Variants in HOMER2 observed in about 807,000 individuals in gnomAD.
HOMER2 encodes homer protein homolog 2.
A neutral mutation model predicts 47.0 loss-of-function variants in HOMER2; 27 were observed. The ratio of observed to expected loss-of-function variants is 0.57; its 90% confidence interval spans 0.42 to 0.79. The LOEUF (loss-of-function observed/expected upper bound fraction) is 0.79. Among genes scored for constraint, HOMER2 ranks in the 30% least tolerant of loss-of-function variants. The probability of loss-of-function intolerance (pLI) is 0.00; values close to 1 mark genes in which losing one functional copy is unlikely to be tolerated. For synonymous variants in HOMER2, 161 were observed against 163.8 expected (o/e 0.98, Z 0.13); for missense variants, 443 against 435.0 (o/e 1.02, Z -0.16).
intron 1 of HOMER2, among the ~76,000 whole-genome samples, chr15:82,927,214 C>T (rs896517640): frequency 1.3e-5 from 2 of 148,872 alleles, no homozygotes; most frequent in African/African-American, 5.2e-5. Context: ...CAACACTTAC[C>T]ACCTTCTAAC....
intron 1 of HOMER2, among the ~76,000 whole-genome samples, chr15:82,974,355 G>T (rs2030125069): frequency 6.6e-6 from 1 of 151,022 alleles, no homozygotes; most frequent in Non-Finnish European, 1.5e-5. Flanking sequence ...AGTGAGCCGA[G>T]ATCGCGCCAT....
chr15:82,869,621 C>T (rs529879921), intron 3 of HOMER2, among the ~76,000 whole-genome samples: 1 of 152,032 alleles, frequency 6.6e-6, no homozygotes, highest in African/African-American at 2.4e-5. Flanking sequence ...CCACACCTAG[C>T]TAATTTTTGT....
intron 1 of HOMER2, among the ~76,000 whole-genome samples, chr15:82,968,618 TACTTC>T (rs1046243644): frequency 2.6e-5 from 4 of 152,206 alleles, no homozygotes; most frequent in African/African-American, 7.2e-5. Flanking sequence ...CAGTTGGTCT[TACTTC>T]ACTTATCTCA....
intron 1 of HOMER2, among the ~76,000 whole-genome samples, chr15:82,931,360 G>C (rs952815855): frequency 7.2e-5 from 11 of 152,142 alleles, no homozygotes. Context: ...AAGGCATGAG[G>C]CATTGTTTCC....
intron 2 of HOMER2, among the ~76,000 whole-genome samples, chr15:82,889,465 T>A (rs1426478150): frequency 1.3e-5 from 2 of 151,706 alleles, no homozygotes; most frequent in Non-Finnish European, 2.9e-5. Flanking sequence ...TGAACAGAGA[T>A]GGGGGTGAGG....
At chr15:82,903,908 G>A (rs1001465125) in intron 1 of HOMER2, among the ~76,000 whole-genome samples, 3 of 152,176 alleles carry the variant, frequency 2.0e-5, no homozygotes, top group South Asian at 2.1e-4. Flanking sequence ...AGGCCAAGGC[G>A]GGCAGATCAG....
intron 1 of HOMER2, among the ~76,000 whole-genome samples, chr15:82,894,956 G>C (rs562503311): frequency 6.6e-6 from 1 of 152,274 alleles, no homozygotes; most frequent in East Asian, 1.9e-4. Flanking sequence ...GAATGCTCTT[G>C]AGAAACTTTT....
chr15:82,983,408 T>C (rs1002869732), intron 1 of HOMER2, among the ~76,000 whole-genome samples: 7 of 152,230 alleles, frequency 4.6e-5, no homozygotes, highest in Admixed American at 4.6e-4. Context: ...AGATTTAGTC[T>C]TGTATTTCTA....
At chr15:82,958,900 G>C (rs72755940) in exon 2 of HOMER2, 10,161 of 152,590 alleles carry the variant, frequency 0.067, 477 homozygotes, top group Admixed American at 0.12. Context: ...AGCCCAGCCA[G>C]CTGCAAGTGC....
At chr15:82,957,844 A>C (rs553435852), downstream of HOMER2, among the ~76,000 whole-genome samples, 21 of 151,958 alleles carry the variant, frequency 1.4e-4, no homozygotes, top group African/African-American at 3.4e-4. Flanking sequence ...ATTTTTCTTT[A>C]TTTATTTATT....
chr15:82,961,491 C>T (rs981526458), intron 1 of HOMER2, among the ~76,000 whole-genome samples: 1 of 152,236 alleles, frequency 6.6e-6, no homozygotes, highest in Non-Finnish European at 1.5e-5. Context: ...AAAACTATCA[C>T]AAAAGCTGAG....
chr15:82,955,124 G>C (rs1426838325), upstream of HOMER2, among the ~76,000 whole-genome samples: 1 of 149,986 alleles, frequency 6.7e-6, no homozygotes, highest in African/African-American at 2.5e-5. Flanking sequence ...CTACTAAATT[G>C]ATTTCAAAAC....
rs192670592 is a variant in HOMER2, at chr15:82,854,658, G to A, written c.637C>T (p.Arg213Trp). The change falls in exon 6 of 9, where the codon CGG (arginine) becomes TGG (tryptophan). Residue 213 changes from arginine (R) to tryptophan (W), a missense_variant. Transcript: ENST00000450735. ...QFSICRDEND[R>W]LRNKIDELEE... is the part of the protein sequence containing the mutation. The stretch of plus-strand genomic sequence containing the variant: ...ACCGTACCCACCTTGTTGCGGAGCC[G>A]GTCATTCTCATCACGGCAGATGGAG... 3.6e-5 allele frequency: 58 copies of A among 1,612,498 alleles called. No individual in the cohort carries two copies. In the East Asian group the frequency reaches 8.7e-4, roughly 24 times the overall value.
In HOMER2 at chr15:82,928,940, T is replaced by TAAAAAAAAAAAAAAAAAAAAAAAAAAAA; in HGVS notation, c.5+23590_5+23591insTTTTTTTTTTTTTTTTTTTTTTTTTTTT. ...TAACAACTGGCAAAAAAATAAAAAC[T>TAAAAAAAAAAAAAAAAAAAAAAAAAAAA]AAAAAAAAAAAAAAAAAAAAGCTGT... On this transcript the variant is annotated intron_variant, in intron 1 of 8. Coordinates refer to ENST00000450735, the MANE Select transcript of HOMER2 (RefSeq NM_004839.4). 1.1e-3 allele frequency among the ~76,000 whole-genome samples: 43 copies of TAAAAAAAAAAAAAAAAAAAAAAAAAAAA among 39,916 alleles called. 14 individuals are homozygous for TAAAAAAAAAAAAAAAAAAAAAAAAAAAA. The highest frequency in any genetic ancestry group is 2.2e-3 in the African/African-American group (14 of 6,478). 26.2% of individuals were successfully genotyped at this position (39,916 alleles called of 152,430 possible).
At chr15:82,902,950 A>G (rs73446981) in intron 1 of HOMER2, among the ~76,000 whole-genome samples, 1,553 of 152,366 alleles carry the variant, frequency 0.01, 31 homozygotes, top group African/African-American at 0.036. Context: ...CTGTGAGACC[A>G]TATCTTGCTG....
At chr15:82,844,547 A>C (rs1355424340), downstream of HOMER2, 1 of 152,236 alleles carries the variant, frequency 6.6e-6, no homozygotes, top group Non-Finnish European at 1.5e-5. Flanking sequence ...ACACACACAG[A>C]TGCATAGAAA....
chr15:82,983,259 C>T (rs1276958249), intron 1 of HOMER2, among the ~76,000 whole-genome samples: 2 of 152,192 alleles, frequency 1.3e-5, no homozygotes, highest in Non-Finnish European at 2.9e-5. Flanking sequence ...ACTGAATGCA[C>T]ATGGTACCAT....
At chr15:82,952,827 G>A, upstream of HOMER2, 1 of 541,122 alleles carries the variant, frequency 1.8e-6, no homozygotes, top group Non-Finnish European at 2.4e-6. Context: ...CCGGGCCGCG[G>A]CAGCGAGCCA....
At chr15:82,929,550 G>C (rs2053950523) in intron 1 of HOMER2, among the ~76,000 whole-genome samples, 1 of 150,984 alleles carries the variant, frequency 6.6e-6, no homozygotes, top group Non-Finnish European at 1.5e-5. Flanking sequence ...CAGCTACTTG[G>C]GAGGCTGAGG....
Sources: gnomAD v4.1 joint callset for allele counts (sites outside exome capture counted in the v4.1 genomes callset) on GRCh38, gnomAD v4.1.1 for gene constraint, MANE v1.5 for transcripts, NCBI Gene and HGNC (gene_info 2026-07-23, HGNC 2026-07-21) for gene names.